SPATS2L: variants seen among roughly 807,000 people sequenced by gnomAD.
SPATS2L encodes spermatogenesis associated serine rich 2 like.
A neutral mutation model predicts 59.6 loss-of-function variants in SPATS2L; 30 were observed. The observed-to-expected ratio is 0.50, with a 90% CI of 0.38 to 0.68. SPATS2L has a LOEUF of 0.68. Among genes scored for constraint, SPATS2L ranks in the 30% least tolerant of loss-of-function variants. The pLI is 0.00. For missense variants in SPATS2L, 615 were observed against 700.0 expected (o/e 0.88, Z 1.37); for synonymous variants, 252 against 263.5 (o/e 0.96, Z 0.42).
In SPATS2L at chr2:200,465,901, G is replaced by A. The variant is rs1017855547; in HGVS notation, c.848-1389G>A. ...CAAAAAATTAGCCAGGCATGGTGGC[G>A]GGCGCCTGTAGTCCCAGCTACCCAG... On this transcript the variant is annotated intron_variant, in intron 9 of 12. Transcript: ENST00000409140. Among the ~76,000 whole-genome samples, 9 of 152,090 alleles carry A rather than the reference G, an allele frequency of 5.9e-5. No individual in the cohort carries two copies. The East Asian group carries it at 1.7e-3, about 29-fold the overall frequency.
intron 2 of SPATS2L, among the ~76,000 whole-genome samples, chr2:200,361,068 T>C (rs1177900418): frequency 7.8e-6 from 1 of 128,438 alleles, no homozygotes; most frequent in Non-Finnish European, 1.7e-5. Context: ...CACCCCACTA[T>C]TCCCCACCCC....
intron 2 of SPATS2L, among the ~76,000 whole-genome samples, chr2:200,349,737 CCTT>C (rs1158671402): frequency 6.6e-6 from 1 of 152,212 alleles, no homozygotes; most frequent in African/African-American, 2.4e-5. Context: ...TATCCTCTAA[CCTT>C]CTCCTTCTGG....
rs2087737688 is a variant in SPATS2L, at chr2:200,479,913, CA to C, written c.*1883del. 2 of 396,542 alleles carry C rather than the reference CA, an allele frequency of 5.0e-6. No homozygotes were observed. Among genetic ancestry groups the C allele is most frequent in the African/African-American group, 2.1e-5 (1 of 48,592 alleles). The allele number at this position is 396,542 out of a possible 1,614,324, so 24.6% of individuals were successfully genotyped here. On this transcript the variant is annotated 3_prime_UTR_variant, in exon 13 of 13. Transcript: ENST00000409140. ...TTAATAGAAATTCTTAACGTTAAGT[CA>C]CATTCCAGGAAGGAAGGAAGAGTTG...
chr2:200,400,793 T>G (rs560852412), intron 3 of SPATS2L, among the ~76,000 whole-genome samples: 2 of 152,346 alleles, frequency 1.3e-5, no homozygotes, highest in South Asian at 2.1e-4. Flanking sequence ...TCATTTAGTA[T>G]TATTGTAACT....
chr2:200,316,747 T>A (rs968261291), intron 1 of SPATS2L, among the ~76,000 whole-genome samples: 6 of 152,216 alleles, frequency 3.9e-5, no homozygotes, highest in Admixed American at 6.5e-5. Flanking sequence ...CAAGCCTTCT[T>A]GGGACAGTAG....
At chr2:200,450,500 T>TTC (rs1169832184) in intron 8 of SPATS2L, among the ~76,000 whole-genome samples, 2 of 152,230 alleles carry the variant, frequency 1.3e-5, no homozygotes, top group African/African-American at 4.8e-5. Flanking sequence ...CCCTTCCCCT[T>TTC]TCTTGTCTTG....
intron 9 of SPATS2L, among the ~76,000 whole-genome samples, chr2:200,463,062 T>A (rs2086353763): frequency 6.6e-6 from 1 of 152,096 alleles, no homozygotes; most frequent in Non-Finnish European, 1.5e-5. Context: ...AGAGTTCTTA[T>A]TAGTAAATTA....
intron 1 of SPATS2L, among the ~76,000 whole-genome samples, chr2:200,316,028 A>T (rs1158392124): frequency 6.7e-6 from 1 of 150,260 alleles, no homozygotes; most frequent in Non-Finnish European, 1.5e-5. Flanking sequence ...CCATCTCAAA[A>T]AAAAAAAAAA....
chr2:200,369,847 TTTTAG>T (rs2081374368), intron 2 of SPATS2L, among the ~76,000 whole-genome samples: 1 of 152,194 alleles, frequency 6.6e-6, no homozygotes, highest in Non-Finnish European at 1.5e-5. Context: ...TACAGATTTG[TTTTAG>T]TTTCGTAAAG....
chr2:200,345,370 ACT>A (rs1302543248), intron 2 of SPATS2L, among the ~76,000 whole-genome samples: 1 of 152,106 alleles, frequency 6.6e-6, no homozygotes, highest in Non-Finnish European at 1.5e-5. Context: ...AAAGTGACTG[ACT>A]CTGGATAACT....
intron 8 of SPATS2L, among the ~76,000 whole-genome samples, chr2:200,447,208 A>T (rs1176456513): frequency 6.6e-6 from 1 of 152,194 alleles, no homozygotes; most frequent in African/African-American, 2.4e-5. Flanking sequence ...TGTTCCATTA[A>T]ATGTCTGCTT....
At chr2:200,389,376 A>G in intron 3 of SPATS2L, 93 bp downstream of exon 3, 2 of 910,914 alleles carry the variant, frequency 2.2e-6, no homozygotes, top group Non-Finnish European at 3.4e-6. Context: ...GAGAAAGGGA[A>G]AGTGGTTTTG....
At chr2:200,354,075 A>T (rs1001536932) in intron 2 of SPATS2L, among the ~76,000 whole-genome samples, 3 of 152,192 alleles carry the variant, frequency 2.0e-5, no homozygotes, top group African/African-American at 4.8e-5. Flanking sequence ...CTAACCATGA[A>T]TAATTATTTG....
At chr2:200,435,964 A>AT (rs955864325) in intron 6 of SPATS2L, among the ~76,000 whole-genome samples, 4 of 152,134 alleles carry the variant, frequency 2.6e-5, no homozygotes, top group African/African-American at 9.7e-5. Context: ...AATATTTTAA[A>AT]TTTTTTATTT....
chr2:200,357,287 G>A (rs943274645), intron 2 of SPATS2L, among the ~76,000 whole-genome samples: 3 of 152,118 alleles, frequency 2.0e-5, no homozygotes, highest in Non-Finnish European at 2.9e-5. Context: ...TTCATTGTCA[G>A]TGTCTGTAGA....
intron 1 of SPATS2L, among the ~76,000 whole-genome samples, chr2:200,320,942 A>T (rs1384084942): frequency 6.6e-6 from 1 of 152,224 alleles, no homozygotes; most frequent in African/African-American, 2.4e-5. Flanking sequence ...TGCTTCATAA[A>T]AATACTAGTA....
At chr2:200,443,035 T>A (rs1053330842) in intron 8 of SPATS2L, among the ~76,000 whole-genome samples, 1 of 152,224 alleles carries the variant, frequency 6.6e-6, no homozygotes, top group African/African-American at 2.4e-5. Flanking sequence ...ACAGCACCAC[T>A]TATTTTCTGA....
At position 200,374,360 on chromosome 2, in the gene SPATS2L, G is replaced by A. The variant is rs138472570; in HGVS notation, c.-22-14863G>A. Among the ~76,000 whole-genome samples, 619 of 152,244 alleles carry A rather than the reference G, an allele frequency of 4.1e-3. 2 individuals are homozygous for A. Among genetic ancestry groups the A allele is most frequent in the African/African-American group, 0.014 (594 of 41,548 alleles). On this transcript the variant is annotated intron_variant, in intron 2 of 12. Transcript: ENST00000409140. ...TATTGCCTCAAAGTAGTGCAAAAGA[G>A]CACTCCCTCTCTGAAGCCCTCTTTG...
Position 200,477,840 on chromosome 2 carries a change from A to C in SPATS2L, c.1486A>C (p.Met496Leu), listed in dbSNP as rs1241109250. 5.1e-6 allele frequency: 8 copies of C among 1,583,442 alleles called. No homozygotes were observed. The highest frequency in any genetic ancestry group is 6.9e-6 in the Non-Finnish European group (8 of 1,164,730). Reference protein sequence around the residue: ...GAKNQEASLGMKTPEAPAHSE... With the variant: ...GAKNQEASLGLKTPEAPAHSE... The stretch of plus-strand genomic sequence containing the variant: ...CAAAAATCAAGAGGCTTCCTTGGGG[A>C]TGAAGACCCCCGAGGCCCCGGCCCA... The change falls in exon 13 of 13, where the codon ATG becomes CTG. Residue 496 changes from methionine to leucine, a missense_variant. Met to Leu is a conservative substitution (Grantham distance 15). Transcript: ENST00000409140.
Sources: allele counts gnomAD v4.1 joint callset (sites outside exome capture counted in the v4.1 genomes callset), GRCh38; gene constraint gnomAD v4.1.1; transcripts MANE v1.5; gene names NCBI Gene and HGNC (gene_info 2026-07-23, HGNC 2026-07-21).